NCOA1: variants seen among roughly 807,000 people sequenced by gnomAD.
NCOA1 encodes nuclear receptor coactivator 1.
NCOA1 carries 35 observed loss-of-function variants against 150.9 expected under a neutral mutation model. The ratio of observed to expected loss-of-function variants is 0.23; its 90% CI spans 0.18 to 0.31. The LOEUF (loss-of-function observed/expected upper bound fraction) is 0.31, where lower values mean the gene tolerates loss of function less well. NCOA1 is among the 10% of genes least tolerant of loss of function. The probability of loss-of-function intolerance (pLI) is 1.00; values close to 1 mark genes in which losing one functional copy is unlikely to be tolerated. For synonymous variants in NCOA1, 590 were observed against 630.0 expected (o/e 0.94, Z 0.95); for missense variants, 1,491 against 1,749.3 (o/e 0.85, Z 2.63).
chr2:24,726,370 T>C (rs891803584), intron 14 of NCOA1, among the ~76,000 whole-genome samples: 1 of 152,182 alleles, frequency 6.6e-6, no homozygotes, highest in Non-Finnish European at 1.5e-5. Flanking sequence ...AACTTTAATA[T>C]CAGATTTTCC....
intron 2 of NCOA1, among the ~76,000 whole-genome samples, chr2:24,583,982 T>C (rs1667300427): frequency 6.6e-6 from 1 of 152,104 alleles, no homozygotes; most frequent in South Asian, 2.1e-4. Context: ...TCTGTAGCAA[T>C]GTAGGGTGAC....
At chr2:24,584,214 A>G (rs1667309602) in intron 2 of NCOA1, among the ~76,000 whole-genome samples, 1 of 152,082 alleles carries the variant, frequency 6.6e-6, no homozygotes, top group Admixed American at 6.5e-5. Flanking sequence ...ATGATAAAAA[A>G]GAAGTATTTT....
At chr2:24,536,137 C>T (rs1458100989) in intron 1 of NCOA1, among the ~76,000 whole-genome samples, 1 of 152,116 alleles carries the variant, frequency 6.6e-6, no homozygotes. Flanking sequence ...TTCTTGGAGG[C>T]TCTGTTTGTT....
At chr2:24,694,940 A>G (rs1017344712) in intron 10 of NCOA1, among the ~76,000 whole-genome samples, 1 of 152,158 alleles carries the variant, frequency 6.6e-6, no homozygotes, top group Non-Finnish European at 1.5e-5. Context: ...AAAAGAAACC[A>G]AATAAGGGCT....
chr2:24,730,643 G>A (rs544203815), intron 17 of NCOA1, among the ~76,000 whole-genome samples: 1 of 152,208 alleles, frequency 6.6e-6, no homozygotes, highest in African/African-American at 2.4e-5. Flanking sequence ...GACAGGAAAT[G>A]AGTAGGCGTA....
intron 1 of NCOA1, among the ~76,000 whole-genome samples, chr2:24,543,052 A>G (rs1665464894): frequency 6.6e-6 from 1 of 152,206 alleles, no homozygotes; most frequent in Admixed American, 6.5e-5. Flanking sequence ...TTGTATTGCT[A>G]TAACAGAATA....
At chr2:24,504,920 CCT>C (rs942051121) in intron 1 of NCOA1, among the ~76,000 whole-genome samples, 10 of 152,074 alleles carry the variant, frequency 6.6e-5, no homozygotes, top group African/African-American at 2.2e-4. Context: ...TCATTTTCCC[CCT>C]GTTATCAACA....
chr2:24,668,978 A>T (rs1207082491), intron 6 of NCOA1, among the ~76,000 whole-genome samples: 1 of 152,228 alleles, frequency 6.6e-6, no homozygotes, highest in African/African-American at 2.4e-5. Flanking sequence ...AAGTATATTT[A>T]TATGACCCTA....
chr2:24,604,250 C>T (rs1407656162), intron 3 of NCOA1, among the ~76,000 whole-genome samples: 4 of 152,110 alleles, frequency 2.6e-5, no homozygotes, highest in Non-Finnish European at 5.9e-5. Context: ...TCTTATTGGC[C>T]ATAGGATTTT....
chr2:24,706,422 C>T, intron 12 of NCOA1, 146 bp from the exon 13 acceptor site: 1 of 833,712 alleles, frequency 1.2e-6, no homozygotes, highest in Non-Finnish European at 1.6e-6. Flanking sequence ...AAACTTTTTT[C>T]TTAATTTAAG....
intron 18 of NCOA1, among the ~76,000 whole-genome samples, chr2:24,741,080 T>TA (rs1663577124): frequency 2.0e-5 from 3 of 152,188 alleles, no homozygotes; most frequent in Non-Finnish European, 4.4e-5. Flanking sequence ...TATTTCTACT[T>TA]ATTTTCTTTT....
intron 2 of NCOA1, among the ~76,000 whole-genome samples, chr2:24,579,324 G>T (rs970911017): frequency 6.6e-6 from 1 of 152,198 alleles, no homozygotes; most frequent in African/African-American, 2.4e-5. Context: ...AAGGCAGGAG[G>T]TTAGGCATAT....
At chr2:24,529,386 G>A (rs918700777) in intron 1 of NCOA1, among the ~76,000 whole-genome samples, 6 of 152,250 alleles carry the variant, frequency 3.9e-5, no homozygotes, top group South Asian at 2.1e-4. Context: ...AGAGAGTAGC[G>A]ACACAATCCT....
intron 1 of NCOA1, among the ~76,000 whole-genome samples, chr2:24,496,955 G>A (rs755433663): frequency 6.6e-5 from 10 of 152,128 alleles, no homozygotes; most frequent in African/African-American, 1.2e-4. Flanking sequence ...AATTAAGACC[G>A]TTTTCTCAAA....
chr2:24,720,744 A>G (rs544287063), intron 14 of NCOA1, among the ~76,000 whole-genome samples: 3 of 152,344 alleles, frequency 2.0e-5, no homozygotes, highest in Non-Finnish European at 1.5e-5. Flanking sequence ...CAAAAATATG[A>G]TAGCGTATAA....
At chr2:24,568,281 C>G (rs1016857437) in intron 2 of NCOA1, among the ~76,000 whole-genome samples, 43 of 152,254 alleles carry the variant, frequency 2.8e-4, no homozygotes, top group African/African-American at 9.9e-4. Flanking sequence ...AGAACATTTG[C>G]AAAGTTATAT....
intron 1 of NCOA1, among the ~76,000 whole-genome samples, chr2:24,517,787 G>A (rs1664266860): frequency 6.6e-6 from 1 of 152,140 alleles, no homozygotes; most frequent in African/African-American, 2.4e-5. Flanking sequence ...AGATAGTATG[G>A]TTGGGTGTTT....
chr2:24,700,510 C>G (rs1673109691), intron 11 of NCOA1, among the ~76,000 whole-genome samples: 1 of 152,052 alleles, frequency 6.6e-6, no homozygotes. Context: ...GAACTGCTGT[C>G]AAAAGGAGTT....
rs1363975159 is a variant in NCOA1 at position 24,707,643 on chromosome 2, G to A, written c.2173G>A (p.Val725Ile). Reference protein sequence around the residue: ...ASTSVSVTGQVQGNSSIKLEL... With the variant: ...ASTSVSVTGQIQGNSSIKLEL... The stretch of plus-strand genomic sequence containing the variant: ...TACTTCTGTGTCAGTGACTGGACAG[G>A]TACAAGGAAACTCCAGTATAAAACT... The change falls in exon 13 of 23, where the codon GTA becomes ATA. Residue 725 changes from valine (V) to isoleucine (I), a missense_variant. Coordinates refer to ENST00000348332, the MANE Select transcript of NCOA1 (RefSeq NM_003743.5). 5 of 1,614,094 alleles carry A rather than the reference G, an allele frequency of 3.1e-6. No homozygotes were observed. The highest frequency in any genetic ancestry group is 1.7e-6 in the Non-Finnish European group (2 of 1,180,018).
Sources: gnomAD v4.1 joint callset for allele counts (sites outside exome capture counted in the v4.1 genomes callset) on GRCh38, gnomAD v4.1.1 for gene constraint, MANE v1.5 for transcripts, NCBI Gene and HGNC (gene_info 2026-07-23, HGNC 2026-07-21) for gene names.